Variants in PPT1 observed in about 807,000 individuals in gnomAD.
The protein encoded by PPT1 is palmitoyl-protein thioesterase 1.
Under a neutral mutation model 44.0 loss-of-function variants are expected in PPT1, and 24 were observed. The ratio of observed to expected loss-of-function variants is 0.54; its 90% CI spans 0.39 to 0.77. The LOEUF (loss-of-function observed/expected upper bound fraction) is 0.77, where lower values mean the gene tolerates loss of function less well. Ranked by LOEUF, PPT1 falls within the 30% of genes least tolerant of loss-of-function variation. The pLI, the probability that PPT1 is intolerant of heterozygous loss-of-function variation, is 0.00. For missense variants in PPT1, 341 were observed against 378.8 expected (o/e 0.90, Z 0.83); for synonymous variants, 148 against 140.2 (o/e 1.06, Z -0.39).
chr1:40,087,403 T>A (rs938301329), intron 5 of PPT1, among the ~76,000 whole-genome samples: 2 of 151,914 alleles, frequency 1.3e-5, no homozygotes, highest in Non-Finnish European at 2.9e-5. Flanking sequence ...CCACCACGCC[T>A]GCCTAATTTT....
chr1:40,092,388 A>T lies in PPT1; in HGVS notation c.234+10T>A, dbSNP rs942502702. 1 of 1,588,128 alleles carries T rather than the reference A, an allele frequency of 6.3e-7. No individual in the cohort carries two copies. Among genetic ancestry groups the T allele is most frequent in the Non-Finnish European group, 8.6e-7 (1 of 1,156,336 alleles). ...CAACCCTTCAAAGGAACAGCTGTGA[A>T]GCGCCTTACCTCCATCAGGGTCTTC... is the stretch of plus-strand genomic sequence containing the variant. On this transcript the variant is annotated intron_variant, in intron 2 of 8. Coordinates refer to ENST00000642050, the MANE Select transcript of PPT1 (RefSeq NM_000310.4).
chr1:40,072,807 A>G lies in PPT1; in HGVS notation c.*1254T>C, dbSNP rs1055812489. 6.6e-5 allele frequency: 10 copies of G among 152,226 alleles called. No individual in the cohort carries two copies. Among genetic ancestry groups the G allele is most frequent in the Non-Finnish European group, 1.5e-4 (10 of 68,034 alleles). The allele number at this position is 152,226 out of a possible 1,614,324, so 9.4% of individuals were successfully genotyped here. ...AATCCTCATCTTTTAGTTGAAGAAT[A>G]AGGCTTAAGAGAGAGAAAGGAAAAA... is the stretch of plus-strand genomic sequence containing the variant. On this transcript the variant is annotated 3_prime_UTR_variant, in exon 9 of 9. Transcript: ENST00000642050.
At chr1:40,084,001 T>C (rs3122433) in intron 5 of PPT1, among the ~76,000 whole-genome samples, 84,879 of 152,028 alleles carry the variant, frequency 0.56, 25,661 homozygotes, top group Non-Finnish European at 0.68. Context: ...TGCAGTAAGC[T>C]GTAATGGCAC....
At chr1:40,092,005 A>G in intron 3 of PPT1, 40 bp downstream of exon 3, 2 of 1,610,310 alleles carry the variant, frequency 1.2e-6, no homozygotes, top group Non-Finnish European at 8.5e-7. Flanking sequence ...ACAAAAATCA[A>G]TTCCATATAA....
intron 4 of PPT1, 105 bp downstream of exon 4, chr1:40,091,224 A>G: frequency 8.4e-7 from 1 of 1,191,834 alleles, no homozygotes; most frequent in Non-Finnish European, 1.2e-6. Context: ...GGATTTTGCA[A>G]GAATGGCTGA....
downstream of PPT1, chr1:40,072,037 G>T: frequency 2.5e-6 from 1 of 403,142 alleles, no homozygotes; most frequent in Non-Finnish European, 4.4e-6. Context: ...AAAGGCTGAG[G>T]CTTGGCCATC....
Position 40,074,068 on chromosome 1 carries a change from A to AGG in PPT1, c.912_913dup (p.Leu305ProfsTer40). ...TTGTGAACTATACGGGTTTCATCCA[A>AGG]GGAATGGTATGATGTGGGCATAAAA... On this transcript the variant is annotated frameshift_variant, in exon 9 of 9. Coordinates refer to ENST00000642050, the MANE Select transcript of PPT1 (RefSeq NM_000310.4). LOFTEE classifies it high-confidence loss of function. 1 of 1,614,174 alleles carries AGG rather than the reference A, an allele frequency of 6.2e-7. No individual in the cohort carries two copies. The highest frequency in any genetic ancestry group is 8.5e-7 in the Non-Finnish European group (1 of 1,180,016).
chr1:40,094,824 G>A (rs1002673142), intron 1 of PPT1, among the ~76,000 whole-genome samples: 1 of 152,148 alleles, frequency 6.6e-6, no homozygotes, highest in Non-Finnish European at 1.5e-5. Context: ...TCTCCACACT[G>A]AGCTGTAATT....
chr1:40,080,414 C>A lies in PPT1; in HGVS notation c.610G>T (p.Asp204Tyr). ...VYRNHSIFLA[D>Y]INQERGINES... is the part of the protein sequence containing the mutation. ...GTGCTTACCCGCTCCTGATTTATAT[C>A]TGCCAAGAAGATGCTGTGGTTGCGA... The change falls in exon 6 of 9, where the codon GAT (aspartate) becomes TAT (tyrosine). Residue 204 changes from aspartate to tyrosine, a missense_variant. By Grantham distance (160) the Asp-to-Tyr change is radical. Coordinates refer to ENST00000642050, the MANE Select transcript of PPT1 (RefSeq NM_000310.4). 6.2e-7 allele frequency: 1 copy of A among 1,614,014 alleles called. No individual in the cohort carries two copies. The highest frequency in any genetic ancestry group is 8.5e-7 in the Non-Finnish European group (1 of 1,179,958).
intron 8 of PPT1, among the ~76,000 whole-genome samples, chr1:40,076,229 C>CT (rs1648620850): frequency 6.6e-6 from 1 of 152,074 alleles, no homozygotes; most frequent in Non-Finnish European, 1.5e-5. Flanking sequence ...CTTTGGGAGG[C>CT]TGAGGTGGGT....
At position 40,091,283 on chromosome 1, in the gene PPT1, A is replaced by G. The variant is rs748333148; in HGVS notation, c.433+46T>C. On this transcript the variant is annotated intron_variant, in intron 4 of 8. Transcript: ENST00000642050. ...AGATTTTTTTTTAAATCAGGTGGTC[A>G]TGTGGGTTAGAATACAGAAAAAAGA... 8.3e-6 allele frequency: 13 copies of G among 1,560,002 alleles called. No individual in the cohort carries two copies. The South Asian group carries it at 1.4e-4, about 17-fold the overall frequency.
chr1:40,076,337 C>T (rs747943143), intron 8 of PPT1, among the ~76,000 whole-genome samples: 5 of 151,836 alleles, frequency 3.3e-5, no homozygotes, highest in African/African-American at 1.2e-4. Context: ...TGATGGCACA[C>T]ACCTGTAATC....
At chr1:40,074,221 A>T in intron 8 of PPT1, 38 bp from the exon 9 acceptor site, 1 of 1,613,090 alleles carries the variant, frequency 6.2e-7, no homozygotes. Flanking sequence ...AAAAAGCTTA[A>T]TGAAGTTTTG....
intron 8 of PPT1, among the ~76,000 whole-genome samples, chr1:40,075,966 A>C (rs1648604963): frequency 7.0e-6 from 1 of 143,520 alleles, no homozygotes; most frequent in Non-Finnish European, 1.6e-5. Flanking sequence ...CTCAAAAAAA[A>C]AAAAAAAAAA....
intron 5 of PPT1, among the ~76,000 whole-genome samples, chr1:40,089,043 T>C (rs1415747128): frequency 6.6e-6 from 1 of 152,040 alleles, no homozygotes; most frequent in East Asian, 1.9e-4. Flanking sequence ...TCCCAGCACT[T>C]TGGGAGGCCA....
At chr1:40,092,569 C>T (rs1391153094) in intron 1 of PPT1, 62 bp from the exon 2 acceptor site, 1 of 1,303,696 alleles carries the variant, frequency 7.7e-7, no homozygotes, top group African/African-American at 1.5e-5. Context: ...TGTTTAAAAA[C>T]TCTGAGGCCT....
intron 5 of PPT1, among the ~76,000 whole-genome samples, chr1:40,082,799 G>C (rs1008745874): frequency 8.5e-5 from 13 of 152,206 alleles, no homozygotes; most frequent in Non-Finnish European, 1.2e-4. Context: ...TGAAGGTGGC[G>C]ACCATAAACA....
Position 40,073,949 on chromosome 1 carries a change from G to T in PPT1, c.*112C>A. 7.2e-7 allele frequency: 1 copy of T among 1,391,772 alleles called. No individual in the cohort carries two copies. The allele number at this position is 1,391,772 out of a possible 1,614,324, so 86.2% of individuals were successfully genotyped here. On this transcript the variant is annotated 3_prime_UTR_variant, in exon 9 of 9. Transcript: ENST00000642050. ...AAGTAGGGCATGTTAGATGATAGAA[G>T]GATTAGTTGCAAGCTGGATCTGAGC...
chr1:40,080,262 C>G, intron 6 of PPT1, 135 bp downstream of exon 6: 1 of 940,332 alleles, frequency 1.1e-6, no homozygotes, highest in Non-Finnish European at 1.7e-6. Context: ...GGCCCTGCCT[C>G]CCAAAAAAAA....
Sources: allele counts gnomAD v4.1 joint callset (sites outside exome capture counted in the v4.1 genomes callset), GRCh38; gene constraint gnomAD v4.1.1; transcripts MANE v1.5; gene names NCBI Gene and HGNC (gene_info 2026-07-23, HGNC 2026-07-21).